Variants in OXR1 observed in about 807,000 individuals in gnomAD.
The protein encoded by OXR1 is oxidation resistance 1, also known as oxidation resistance protein 1.
Under a neutral mutation model 104.6 loss-of-function variants are expected in OXR1, and 41 were observed. That is an observed-to-expected ratio of 0.39 (90% confidence interval 0.31 to 0.51). The LOEUF is 0.51. OXR1 is among the 20% of genes least tolerant of loss of function. The pLI, the probability that OXR1 is intolerant of heterozygous loss-of-function variation, is 0.77. For missense variants in OXR1, 955 were observed against 1,031.9 expected (o/e 0.93, Z 1.02); for synonymous variants, 348 against 348.4 (o/e 1.00, Z 0.01).
intron 16 of OXR1, among the ~76,000 whole-genome samples, chr8:106,749,328 G>A (rs1413380186): frequency 6.7e-6 from 1 of 149,140 alleles, no homozygotes; most frequent in African/African-American, 2.5e-5. Flanking sequence ...GGGTGACAGA[G>A]CGAGACTCTG....
intron 1 of OXR1, among the ~76,000 whole-genome samples, chr8:106,311,679 T>C (rs1296373645): frequency 6.6e-6 from 1 of 152,172 alleles, no homozygotes; most frequent in Non-Finnish European, 1.5e-5. Context: ...TTTAGATGTT[T>C]AACCAACCAT....
intron 1 of OXR1, among the ~76,000 whole-genome samples, chr8:106,318,790 T>G (rs1303092055): frequency 1.3e-5 from 2 of 152,188 alleles, no homozygotes; most frequent in Non-Finnish European, 2.9e-5. Flanking sequence ...TCTTAGTCTT[T>G]TGGAGTGCAG....
intron 3 of OXR1, chr8:106,604,920 G>A (rs1037426308): frequency 6.6e-6 from 1 of 152,186 alleles, no homozygotes; most frequent in African/African-American, 2.4e-5. Flanking sequence ...GTATATGCCT[G>A]TGATTCACAC....
intron 3 of OXR1, among the ~76,000 whole-genome samples, chr8:106,635,778 G>T (rs1399550889): frequency 6.6e-6 from 1 of 152,080 alleles, no homozygotes; most frequent in Admixed American, 6.6e-5. Flanking sequence ...TAAGAAAGAA[G>T]TTTCTTATAG....
intron 1 of OXR1, among the ~76,000 whole-genome samples, chr8:106,347,081 C>T (rs1037059499): frequency 6.6e-6 from 1 of 152,136 alleles, no homozygotes; most frequent in East Asian, 1.9e-4. Context: ...CTTTGGTGTT[C>T]GATTTTAATT....
intron 1 of OXR1, among the ~76,000 whole-genome samples, chr8:106,313,069 A>G (rs532305598): frequency 1.3e-4 from 20 of 152,334 alleles, no homozygotes; most frequent in Admixed American, 5.9e-4. Context: ...TTAGGAGGAT[A>G]GAGAGCATCT....
chr8:106,622,559 C>T (rs943776002), intron 3 of OXR1, among the ~76,000 whole-genome samples: 1 of 152,122 alleles, frequency 6.6e-6, no homozygotes, highest in African/African-American at 2.4e-5. Context: ...TCCTTGAACA[C>T]ACCATGCCTG....
At chr8:106,489,370 C>A (rs1476584032) in intron 2 of OXR1, among the ~76,000 whole-genome samples, 1 of 152,130 alleles carries the variant, frequency 6.6e-6, no homozygotes, top group East Asian at 1.9e-4. Flanking sequence ...GAGCACACCC[C>A]AGCAGTACCC....
At chr8:106,746,263 G>C (rs545188058) in intron 16 of OXR1, among the ~76,000 whole-genome samples, 1 of 6,658 alleles carries the variant, frequency 1.5e-4, no homozygotes, top group South Asian at 7.0e-3. Flanking sequence ...CTACTCTGGA[G>C]ACCATTTGGA....
intron 1 of OXR1, among the ~76,000 whole-genome samples, chr8:106,270,978 A>G (rs1215488438): frequency 1.3e-5 from 2 of 152,068 alleles, no homozygotes; most frequent in Admixed American, 6.5e-5. Context: ...TCAGCCTGGA[A>G]TCTGTCTCCC....
chr8:106,671,409 A>G (rs1301133762), intron 3 of OXR1, among the ~76,000 whole-genome samples: 1 of 152,194 alleles, frequency 6.6e-6, no homozygotes, highest in Admixed American at 6.5e-5. Flanking sequence ...ATACGCATGT[A>G]TTCAGCGTGT....
intron 2 of OXR1, among the ~76,000 whole-genome samples, chr8:106,442,655 G>A (rs1384242298): frequency 1.3e-5 from 2 of 152,126 alleles, no homozygotes; most frequent in East Asian, 1.9e-4. Context: ...TAGGGTGTAT[G>A]CGTCCAGGAA....
chr8:106,488,547 A>C (rs1810851830), intron 2 of OXR1, among the ~76,000 whole-genome samples: 2 of 152,190 alleles, frequency 1.3e-5, no homozygotes, highest in South Asian at 4.1e-4. Flanking sequence ...TAGGGATTTT[A>C]TGGTTTTAGG....
chr8:106,664,989 C>T (rs1385785761), intron 3 of OXR1, among the ~76,000 whole-genome samples: 1 of 152,100 alleles, frequency 6.6e-6, no homozygotes, highest in Admixed American at 6.6e-5. Context: ...AAAACATTAG[C>T]AAACTTGTAA....
intron 2 of OXR1, among the ~76,000 whole-genome samples, chr8:106,424,186 C>A (rs111977053): frequency 6.6e-6 from 1 of 152,096 alleles, no homozygotes; most frequent in African/African-American, 2.4e-5. Flanking sequence ...GATCCACCCC[C>A]CTCAGCCTCC....
chr8:106,750,168 C>A lies in OXR1; in HGVS notation c.2487-638C>A, dbSNP rs1352042238. ...AACACACACATACACAAAAAAAAAA[C>A]CATACTAAAAAAAATACCCAAAGAA... On this transcript the variant is annotated intron_variant, in intron 16 of 16. Coordinates refer to ENST00000517566, the MANE Select transcript of OXR1 (RefSeq NM_001198533.2). Among the ~76,000 whole-genome samples the A allele has an allele frequency of 9.1e-5, 13 of 143,030 alleles. No homozygotes were observed. The East Asian group carries it at 1.2e-3, about 14-fold the overall frequency. 93.8% of individuals were successfully genotyped at this position (143,030 alleles called of 152,430 possible). A position where few individuals can be genotyped will look rare whatever the true frequency, so the allele number is the denominator to read the frequency against.
intron 7 of OXR1, chr8:106,698,134 C>A: frequency 1.6e-6 from 1 of 634,156 alleles, no homozygotes; most frequent in East Asian, 2.7e-5. Context: ...ACCCAGATAT[C>A]CTCTTCATTT....
At chr8:106,375,473 A>C (rs1210933630) in intron 2 of OXR1, among the ~76,000 whole-genome samples, 1 of 152,208 alleles carries the variant, frequency 6.6e-6, no homozygotes, top group East Asian at 1.9e-4. Context: ...TGGAGAATAA[A>C]ACATATATTT....
At chr8:106,598,770 G>T (rs183132047) in intron 3 of OXR1, among the ~76,000 whole-genome samples, 381 of 152,270 alleles carry the variant, frequency 2.5e-3, no homozygotes, top group Middle Eastern at 0.014. Context: ...CATTCAGGAT[G>T]AAATTTTAGT....
Sources: gnomAD v4.1 joint callset for allele counts (sites outside exome capture counted in the v4.1 genomes callset) on GRCh38, gnomAD v4.1.1 for gene constraint, MANE v1.5 for transcripts, NCBI Gene and HGNC (gene_info 2026-07-23, HGNC 2026-07-21) for gene names.